Variants in CACNA1E observed in about 807,000 individuals in gnomAD.
The protein encoded by CACNA1E is voltage-dependent R-type calcium channel subunit alpha-1E.
Under a neutral mutation model 259.2 loss-of-function variants are expected in CACNA1E, and 40 were observed. The ratio of observed to expected loss-of-function variants is 0.15; its 90% CI spans 0.12 to 0.20. The LOEUF (loss-of-function observed/expected upper bound fraction) is 0.20, where lower values mean the gene tolerates loss of function less well. Among genes scored for constraint, CACNA1E ranks in the 10% least tolerant of loss-of-function variants. CACNA1E has a pLI of 1.00. For synonymous variants in CACNA1E, 1,104 were observed against 1,138.5 expected (o/e 0.97, Z 0.61); for missense variants, 1,874 against 3,040.1 (o/e 0.62, Z 9.02).
chr1:181,420,355 G>T (rs1009785732), intron 2 of CACNA1E, among the ~76,000 whole-genome samples: 1 of 152,118 alleles, frequency 6.6e-6, no homozygotes, highest in African/African-American at 2.4e-5. Context: ...GGTTTCCTCA[G>T]GCCCACTTTT....
chr1:181,703,314 C>T (rs528303901), intron 7 of CACNA1E, among the ~76,000 whole-genome samples: 26 of 152,272 alleles, frequency 1.7e-4, no homozygotes, highest in African/African-American at 6.3e-4. Context: ...TCACAACAAC[C>T]TTTTGAGATA....
intron 2 of CACNA1E, among the ~76,000 whole-genome samples, chr1:181,435,328 T>C (rs1660014193): frequency 6.6e-6 from 1 of 152,214 alleles, no homozygotes; most frequent in Admixed American, 6.5e-5. Context: ...TTAGGATAAA[T>C]TACTGGAAGT....
At chr1:181,593,660 T>C (rs1652877174) in intron 6 of CACNA1E, among the ~76,000 whole-genome samples, 1 of 152,206 alleles carries the variant, frequency 6.6e-6, no homozygotes, top group African/African-American at 2.4e-5. Context: ...TGCCTCAGCC[T>C]TCTGAGTAGC....
chr1:181,374,427 T>G lies in CACNA1E; in HGVS notation c.-14-38706T>G, dbSNP rs1654945799. On this transcript the variant is annotated intron_variant, in intron 1 of 11. Coordinates refer to the CACNA1E transcript ENST00000524607. ...GAAATTCAACTTTGAATTGATTCAGTTTTTTTTCTCTTAAAAAGCTGAGAT... is the reference window on the plus strand; with the variant it reads ...GAAATTCAACTTTGAATTGATTCAGGTTTTTTTCTCTTAAAAAGCTGAGAT... Among the ~76,000 whole-genome samples the G allele has an allele frequency of 2.6e-5, 4 of 151,320 alleles. No individual in the cohort carries two copies. The South Asian group carries it at 8.4e-4, about 32-fold the overall frequency.
At position 181,721,847 on chromosome 1, in the gene CACNA1E, C is replaced by T; in HGVS notation, c.2046C>T (p.Tyr682=). 1.9e-6 allele frequency: 3 copies of T among 1,611,996 alleles called. No individual in the cohort carries two copies. The highest frequency in any genetic ancestry group is 1.7e-6 in the Non-Finnish European group (2 of 1,178,098). ...GVSSGMWSAI[Y]FIVLTLFGNY... ...GCTCAGGCATGTGGTCTGCCATCTACTTCATTGTGCTCACCTTGTTTGGCA... is the reference window on the plus strand; with the variant it reads ...GCTCAGGCATGTGGTCTGCCATCTATTTCATTGTGCTCACCTTGTTTGGCA... Residue 682 remains tyrosine (Y), a synonymous_variant, in exon 16 of 48, where the codon TAC becomes TAT. Coordinates refer to ENST00000367573, the MANE Select transcript of CACNA1E (RefSeq NM_001205293.3).
rs1418917199 is a variant in CACNA1E, at chr1:181,672,276, C to T, written c.1055+20835C>T. Among the ~76,000 whole-genome samples the T allele has an allele frequency of 1.3e-5, 2 of 152,086 alleles. 1 individual carries two copies. Among genetic ancestry groups the T allele is most frequent in the Non-Finnish European group, 2.9e-5 (2 of 68,018 alleles). On this transcript the variant is annotated intron_variant, in intron 7 of 47. Coordinates refer to ENST00000367573, the MANE Select transcript of CACNA1E (RefSeq NM_001205293.3). ...GGAGGGAGAGGAGCAAAAAACATAA[C>T]TATTGGGTACTAAGTTTAATACCTG...
In CACNA1E at chr1:181,798,677, G is replaced by A. The variant is rs370396474; in HGVS notation, c.6785G>A (p.Arg2262His). Reference protein sequence around the residue: ...FEAAVATSLGRSNTIGSAPPL... With the variant: ...FEAAVATSLGHSNTIGSAPPL... ...GCAGCCGTGGCTACTAGCCTGGGCCGTTCCAACACCATCGGCTCAGCCCCA... is the reference window on the plus strand; with the variant it reads ...GCAGCCGTGGCTACTAGCCTGGGCCATTCCAACACCATCGGCTCAGCCCCA... Residue 2262 changes from arginine (R) to histidine (H), a missense_variant, in exon 48 of 48, where the codon CGT becomes CAT. Physicochemically the swap from Arg to His is conservative, Grantham distance 29. This residue lies in a region of CACNA1E where 542 missense variants were observed against 587.2 expected (regional missense o/e 0.92). Coordinates refer to ENST00000367573, the MANE Select transcript of CACNA1E (RefSeq NM_001205293.3). This position sits in a 1 kb window ranked among gnomAD's most constrained non-coding sequence, Gnocchi z 4.2. 265 of 1,608,968 alleles carry A rather than the reference G, an allele frequency of 1.6e-4. No individual in the cohort carries two copies. Among genetic ancestry groups the A allele is most frequent in the Non-Finnish European group, 2.1e-4 (247 of 1,176,844 alleles).
chr1:181,525,906 G>A (rs528876575), intron 3 of CACNA1E, among the ~76,000 whole-genome samples: 3 of 152,206 alleles, frequency 2.0e-5, no homozygotes, highest in African/African-American at 7.2e-5. Flanking sequence ...CCTTTTCCAT[G>A]GAAAAAGGCC....
At chr1:181,779,485 G>C (rs777379040) in intron 38 of CACNA1E, 1 of 455,582 alleles carries the variant, frequency 2.2e-6, no homozygotes. Context: ...TAGTGCGGGT[G>C]ATCTCGCCTC....
At chr1:181,463,870 T>A (rs922144765) in intron 2 of CACNA1E, among the ~76,000 whole-genome samples, 1 of 152,128 alleles carries the variant, frequency 6.6e-6, no homozygotes, top group African/African-American at 2.4e-5. Flanking sequence ...AAAAATTCCT[T>A]CCACATACTG....
rs1436233766 is a variant in CACNA1E, at chr1:181,488,547, G to A, written c.266+4537G>A. Reference sequence around the variant, plus strand: ...ATATGAAGTGTGGGTAATGTTTCATGTGGAAACCAGGCCATGACTTGTTGT... The same window carrying A: ...ATATGAAGTGTGGGTAATGTTTCATATGGAAACCAGGCCATGACTTGTTGT... On this transcript the variant is annotated intron_variant, in intron 1 of 47. Transcript: ENST00000367573. Among the ~76,000 whole-genome samples, 16 of 152,192 alleles carry A rather than the reference G, an allele frequency of 1.1e-4. 1 individual carries two copies. Among genetic ancestry groups the A allele is most frequent in the Non-Finnish European group, 1.5e-5 (1 of 68,036 alleles).
intron 2 of CACNA1E, among the ~76,000 whole-genome samples, chr1:181,434,240 C>T (rs962450447): frequency 6.6e-5 from 10 of 152,158 alleles, no homozygotes; most frequent in African/African-American, 2.4e-4. Flanking sequence ...ATATAAAGTG[C>T]TTATCATAGT....
intron 1 of CACNA1E, among the ~76,000 whole-genome samples, chr1:181,504,630 G>A (rs1665552752): frequency 6.6e-6 from 1 of 152,228 alleles, no homozygotes; most frequent in East Asian, 1.9e-4. Flanking sequence ...TCAGCTCCAG[G>A]CCAGGCCCCC....
At chr1:181,571,757 G>T (rs780893098) in intron 3 of CACNA1E, among the ~76,000 whole-genome samples, 29 of 152,172 alleles carry the variant, frequency 1.9e-4, no homozygotes, top group Admixed American at 7.9e-4. Context: ...TTCTTTGTTG[G>T]TATCGATATG....
At chr1:181,474,403 A>G (rs933060887) in intron 2 of CACNA1E, among the ~76,000 whole-genome samples, 4 of 152,364 alleles carry the variant, frequency 2.6e-5, no homozygotes, top group African/African-American at 7.2e-5. Flanking sequence ...TAAACTGCAC[A>G]TTAGGAATAT....
At chr1:181,348,187 C>G (rs972343974) in intron 1 of CACNA1E, among the ~76,000 whole-genome samples, 3 of 151,970 alleles carry the variant, frequency 2.0e-5, no homozygotes, top group Non-Finnish European at 4.4e-5. Flanking sequence ...TCGATGGGGT[C>G]TCGGTGGACA....
At chr1:181,781,917 G>C (rs1295434130) in intron 39 of CACNA1E, among the ~76,000 whole-genome samples, 6 of 152,154 alleles carry the variant, frequency 3.9e-5, no homozygotes, top group African/African-American at 1.4e-4. Flanking sequence ...CATATGCAAA[G>C]AAATATCTTC....
At chr1:181,371,148 C>A (rs922924335) in intron 1 of CACNA1E, among the ~76,000 whole-genome samples, 10 of 152,060 alleles carry the variant, frequency 6.6e-5, no homozygotes, top group Non-Finnish European at 1.5e-4. Context: ...TGTTTAAATT[C>A]CTTATAGATT....
At chr1:181,511,343 C>A in intron 2 of CACNA1E, 28 bp from the exon 3 acceptor site, 1 of 1,613,208 alleles carries the variant, frequency 6.2e-7, no homozygotes, top group Non-Finnish European at 8.5e-7. Flanking sequence ...CCTCTTCTCA[C>A]TGGTGCTTCT....
Sources: gnomAD v4.1 joint callset for allele counts (sites outside exome capture counted in the v4.1 genomes callset) on GRCh38, gnomAD v4.1.1 for gene constraint, gnomAD v4.1.1 regional missense constraint, Gnocchi (gnomAD v3.1) non-coding constraint, MANE v1.5 for transcripts, NCBI Gene and HGNC (gene_info 2026-07-23, HGNC 2026-07-21) for gene names.